The following RAPGEF4 variants were observed in gnomAD, a reference collection of about 807,000 sequenced individuals.
RAPGEF4 encodes RAP guanine-nucleotide-exchange factor (GEF) 4.
A neutral mutation model predicts 147.9 loss-of-function variants in RAPGEF4; 66 were observed. That is an observed-to-expected ratio of 0.45 (90% CI 0.37 to 0.55). The LOEUF is 0.55. Among genes scored for constraint, RAPGEF4 ranks in the 20% least tolerant of loss-of-function variants. RAPGEF4 has a pLI of 0.00. For missense variants in RAPGEF4, 1,071 were observed against 1,257.3 expected (o/e 0.85, Z 2.24); for synonymous variants, 419 against 442.7 (o/e 0.95, Z 0.67).
chr2:172,767,314 G>A (rs1205975187), intron 1 of RAPGEF4, among the ~76,000 whole-genome samples: 1 of 152,052 alleles, frequency 6.6e-6, no homozygotes, highest in African/African-American at 2.4e-5. Context: ...GAGTAGCTGG[G>A]ATTACAGGCA....
chr2:172,922,408 A>G, intron 6 of RAPGEF4, 108 bp downstream of exon 6: 1 of 1,077,434 alleles, frequency 9.3e-7, no homozygotes, highest in East Asian at 2.4e-5. Flanking sequence ...TCAACAGAGC[A>G]ATAAATATTT....
At chr2:173,047,191 C>T (rs148522482) in intron 29 of RAPGEF4, among the ~76,000 whole-genome samples, 364 of 152,258 alleles carry the variant, frequency 2.4e-3, no homozygotes, top group Middle Eastern at 0.01. Context: ...GTTCAAATAC[C>T]GTGACATTCT....
At chr2:173,024,900 C>T (rs1203139188) in intron 23 of RAPGEF4, among the ~76,000 whole-genome samples, 1 of 152,206 alleles carries the variant, frequency 6.6e-6, no homozygotes, top group Non-Finnish European at 1.5e-5. Context: ...ATGACAGCTT[C>T]CCCATCTTCA....
At chr2:173,013,177 T>C (rs537007683) in intron 17 of RAPGEF4, among the ~76,000 whole-genome samples, 1 of 152,366 alleles carries the variant, frequency 6.6e-6, no homozygotes, top group East Asian at 1.9e-4. Flanking sequence ...GACAAGGCTC[T>C]TTACTGGTTT....
chr2:172,815,521 A>C (rs1481257326), intron 4 of RAPGEF4, among the ~76,000 whole-genome samples: 1 of 152,236 alleles, frequency 6.6e-6, no homozygotes, highest in African/African-American at 2.4e-5. Flanking sequence ...TTAGGAAGGA[A>C]AATTGAAAGT....
chr2:172,926,269 T>A (rs2150071120), intron 6 of RAPGEF4, among the ~76,000 whole-genome samples: 1 of 152,356 alleles, frequency 6.6e-6, no homozygotes. Flanking sequence ...ATCACAATGA[T>A]AAGAAAGCTT....
At chr2:172,924,546 A>G (rs1685080665) in intron 6 of RAPGEF4, among the ~76,000 whole-genome samples, 1 of 152,216 alleles carries the variant, frequency 6.6e-6, no homozygotes. Flanking sequence ...ATTCTCTATT[A>G]GCAAATAGAG....
chr2:172,965,798 C>T (rs1689774142), intron 9 of RAPGEF4, 115 bp downstream of exon 9: 1 of 1,317,500 alleles, frequency 7.6e-7, no homozygotes, highest in Non-Finnish European at 1.1e-6. Context: ...CCTTTAGGGA[C>T]CTGCAGAGCT....
At chr2:172,897,239 G>A (rs1367199606) in intron 4 of RAPGEF4, among the ~76,000 whole-genome samples, 22 of 151,982 alleles carry the variant, frequency 1.4e-4, no homozygotes, top group Admixed American at 1.4e-3. Context: ...TTCAGTATGT[G>A]TGCAGCCACC....
chr2:172,778,347 T>C (rs1033820304), intron 1 of RAPGEF4, among the ~76,000 whole-genome samples: 1 of 152,138 alleles, frequency 6.6e-6, no homozygotes, highest in Non-Finnish European at 1.5e-5. Context: ...ACTTTTATAA[T>C]CTGATTACTA....
rs1691920594 is a variant in RAPGEF4, at chr2:172,983,590, CT to C, written c.1089+11del. 1 of 1,612,704 alleles carries C rather than the reference CT, an allele frequency of 6.2e-7. No individual in the cohort carries two copies. Among genetic ancestry groups the C allele is most frequent in the Non-Finnish European group, 8.5e-7 (1 of 1,179,708 alleles). On this transcript the variant is annotated intron_variant, in intron 11 of 30. Transcript: ENST00000397081. ...CCATCTTTCTACCACAGTAAGTTGT[CT>C]CTTAGTTTAGCATGGTTGGAGCACT...
At chr2:172,860,757 C>T (rs1374617486) in intron 4 of RAPGEF4, among the ~76,000 whole-genome samples, 7 of 151,896 alleles carry the variant, frequency 4.6e-5, no homozygotes, top group African/African-American at 7.3e-5. Flanking sequence ...CTGCTAGAAA[C>T]GCATTATATT....
chr2:172,939,120 G>T (rs558176218), intron 6 of RAPGEF4, among the ~76,000 whole-genome samples: 2 of 152,288 alleles, frequency 1.3e-5, no homozygotes, highest in South Asian at 4.1e-4. Flanking sequence ...AAACTGTTAT[G>T]AATATTTGTG....
chr2:172,752,559 G>GT, intron 1 of RAPGEF4, among the ~76,000 whole-genome samples: 1 of 152,294 alleles, frequency 6.6e-6, no homozygotes, highest in South Asian at 2.1e-4. Context: ...GAAAGTCTAG[G>GT]TTGCAGAGTT....
chr2:173,020,477 A>T (rs1695976222), intron 22 of RAPGEF4, 141 bp from the exon 23 acceptor site: 3 of 730,148 alleles, frequency 4.1e-6, no homozygotes, highest in African/African-American at 3.6e-5. Flanking sequence ...TATTCCGTGG[A>T]TCCCTTCAGT....
In RAPGEF4 at chr2:173,011,515, CAT is replaced by C. The variant is rs1429948725; in HGVS notation, c.1659-2948_1659-2947del. ...TTTATGAATTGTAAAGCTCTATACACATGTTATCATAACAAGTAGGAAAGAAT... is the reference window on the plus strand; with the variant it reads ...TTTATGAATTGTAAAGCTCTATACACGTTATCATAACAAGTAGGAAAGAAT... On this transcript the variant is annotated intron_variant, in intron 17 of 30. Transcript: ENST00000397081. 5.9e-5 allele frequency among the ~76,000 whole-genome samples: 9 copies of C among 152,224 alleles called. No individual in the cohort carries two copies. In the South Asian group the frequency reaches 6.2e-4, roughly 11 times the overall value.
In RAPGEF4 at chr2:172,971,961, T is replaced by C. The variant is rs1690535444; in HGVS notation, c.1004+4517T>C. On this transcript the variant is annotated intron_variant, in intron 10 of 30. Transcript: ENST00000397081. Reference sequence around the variant, plus strand: ...GTTTGTTTTCTTATTGCCCATACTCTGCTAAGGCATTAAGAAATATGGAAA... The same window carrying C: ...GTTTGTTTTCTTATTGCCCATACTCCGCTAAGGCATTAAGAAATATGGAAA... Among the ~76,000 whole-genome samples, 3 of 152,164 alleles carry C rather than the reference T, an allele frequency of 2.0e-5. 1 individual carries two copies. Among genetic ancestry groups the C allele is most frequent in the Middle Eastern group, 6.3e-3 (2 of 316 alleles).
intron 1 of RAPGEF4, among the ~76,000 whole-genome samples, chr2:172,780,154 T>C (rs766248169): frequency 2.6e-4 from 40 of 152,046 alleles, no homozygotes; most frequent in Non-Finnish European, 4.9e-4. Context: ...TAGCAAAAGA[T>C]TGATTAACAA....
At chr2:172,764,997 T>A (rs1000207917) in intron 1 of RAPGEF4, among the ~76,000 whole-genome samples, 2 of 152,186 alleles carry the variant, frequency 1.3e-5, no homozygotes, top group African/African-American at 4.8e-5. Context: ...GTCTAACAGT[T>A]CTGGAGGCTA....
Sources: allele counts gnomAD v4.1 joint callset (sites outside exome capture counted in the v4.1 genomes callset), GRCh38; gene constraint gnomAD v4.1.1; transcripts MANE v1.5; gene names NCBI Gene and HGNC (gene_info 2026-07-23, HGNC 2026-07-21).